LRRTM4: variants seen among roughly 807,000 people sequenced by gnomAD.
LRRTM4 encodes the protein leucine-rich repeat transmembrane neuronal protein 4.
LRRTM4 carries 25 observed loss-of-function variants against 47.6 expected under a neutral mutation model. That is an observed-to-expected ratio of 0.53 (90% CI 0.38 to 0.73). The LOEUF (loss-of-function observed/expected upper bound fraction) is 0.73, where lower values mean the gene tolerates loss of function less well. Ranked by LOEUF, LRRTM4 falls within the 30% of genes least tolerant of loss-of-function variation. The pLI, the probability that LRRTM4 is intolerant of heterozygous loss-of-function variation, is 0.00. For synonymous variants in LRRTM4, 311 were observed against 269.5 expected, an observed-to-expected ratio of 1.15 and a Z score of -1.51; for missense variants, 638 against 713.4, an observed-to-expected ratio of 0.89 and a Z score of 1.20.
chr2:76,764,261 GA>G (rs923321698), intron 3 of LRRTM4, among the ~76,000 whole-genome samples: 3 of 151,860 alleles, frequency 2.0e-5, no homozygotes, highest in Admixed American at 6.6e-5. Flanking sequence ...TTGCAAAAAA[GA>G]AAAAAAGAGA....
In LRRTM4 at chr2:77,091,071, G is replaced by T. The variant is rs546368717; in HGVS notation, c.1552-342155C>A. ...AAACTCCCCAACTCTGGTGCCAGCT[G>T]AGACAATACTCTTATAAGCACTCCT... On this transcript the variant is annotated intron_variant, in intron 3 of 3. Coordinates refer to ENST00000409884, the MANE Select transcript of LRRTM4 (RefSeq NM_001134745.3). 5.2e-3 allele frequency among the ~76,000 whole-genome samples: 790 copies of T among 151,592 alleles called. 1 individual carries two copies. The highest frequency in any genetic ancestry group is 8.7e-3 in the Non-Finnish European group (585 of 67,582).
At chr2:77,089,324 T>C (rs1283952315) in intron 3 of LRRTM4, among the ~76,000 whole-genome samples, 2 of 151,866 alleles carry the variant, frequency 1.3e-5, no homozygotes, top group East Asian at 1.9e-4. Flanking sequence ...AGTCCCACTT[T>C]TCTAGAGGAG....
At chr2:76,994,112 G>A (rs540431044) in intron 3 of LRRTM4, among the ~76,000 whole-genome samples, 2 of 151,822 alleles carry the variant, frequency 1.3e-5, no homozygotes, top group Admixed American at 1.3e-4. Flanking sequence ...CAGACAATTA[G>A]AGGTGGAATG....
At chr2:77,125,366 G>A (rs959098507) in intron 3 of LRRTM4, among the ~76,000 whole-genome samples, 1 of 152,170 alleles carries the variant, frequency 6.6e-6, no homozygotes, top group African/African-American at 2.4e-5. Flanking sequence ...AGATAGAGGT[G>A]CACATGAGTA....
chr2:77,142,719 G>T (rs957923169), intron 3 of LRRTM4, among the ~76,000 whole-genome samples: 1 of 152,102 alleles, frequency 6.6e-6, no homozygotes, highest in Admixed American at 6.6e-5. Context: ...TGCTGAAGAT[G>T]ATACTCTGTA....
At chr2:76,853,541 G>T (rs574267690) in intron 3 of LRRTM4, among the ~76,000 whole-genome samples, 22 of 151,944 alleles carry the variant, frequency 1.4e-4, no homozygotes, top group South Asian at 1.0e-3. Context: ...AGTTGTGGAA[G>T]AATTGTCAAG....
chr2:76,803,009 C>T (rs559976528), intron 3 of LRRTM4, among the ~76,000 whole-genome samples: 1 of 152,126 alleles, frequency 6.6e-6, no homozygotes, highest in East Asian at 1.9e-4. Flanking sequence ...TAGTAGAAAA[C>T]AGGGGATAAG....
At chr2:77,426,846 C>CAGAG (rs756686178) in intron 3 of LRRTM4, among the ~76,000 whole-genome samples, 1 of 125,492 alleles carries the variant, frequency 8.0e-6, no homozygotes, top group East Asian at 2.1e-4. Context: ...CACACACACA[C>CAGAG]AGAGAGAGAG....
At chr2:77,104,269 C>T (rs1572965941) in intron 3 of LRRTM4, among the ~76,000 whole-genome samples, 1 of 152,236 alleles carries the variant, frequency 6.6e-6, no homozygotes, top group South Asian at 2.1e-4. Context: ...GTTATTTTCT[C>T]TTACCTGAAC....
At chr2:77,520,700 A>G (rs929468710) in intron 2 of LRRTM4, among the ~76,000 whole-genome samples, 3 of 152,086 alleles carry the variant, frequency 2.0e-5, no homozygotes, top group African/African-American at 7.2e-5. Flanking sequence ...AAGGATAAAC[A>G]AGGAAAGAAG....
intron 3 of LRRTM4, among the ~76,000 whole-genome samples, chr2:76,929,639 G>A (rs777076591): frequency 2.6e-5 from 4 of 152,098 alleles, no homozygotes; most frequent in Admixed American, 6.6e-5. Context: ...GTTTCTTTAA[G>A]TTAAACAAGT....
At chr2:76,850,793 A>G (rs1671970106) in intron 3 of LRRTM4, among the ~76,000 whole-genome samples, 1 of 152,206 alleles carries the variant, frequency 6.6e-6, no homozygotes, top group Admixed American at 6.6e-5. Flanking sequence ...TATCCTGCTA[A>G]TGTTTGACTG....
intron 3 of LRRTM4, among the ~76,000 whole-genome samples, chr2:77,214,487 G>A (rs1674382686): frequency 6.6e-6 from 1 of 152,018 alleles, no homozygotes; most frequent in Non-Finnish European, 1.5e-5. Flanking sequence ...TAATTATTCT[G>A]TACAATGGCA....
intron 3 of LRRTM4, among the ~76,000 whole-genome samples, chr2:77,163,433 C>G (rs1270244375): frequency 1.3e-5 from 2 of 152,148 alleles, no homozygotes; most frequent in African/African-American, 4.8e-5. Flanking sequence ...ACTTCCCAAC[C>G]TAACAAGGCA....
At position 76,933,934 on chromosome 2, in the gene LRRTM4, G is replaced by A. The variant is rs13400606; in HGVS notation, c.1552-185018C>T. On this transcript the variant is annotated intron_variant, in intron 3 of 3. Coordinates refer to ENST00000409884, the MANE Select transcript of LRRTM4 (RefSeq NM_001134745.3). ...CCATTTTACTTCAATATTAAGAGTAGAGATTTCAAATATATTGGTAATAGT... is the reference window on the plus strand; with the variant it reads ...CCATTTTACTTCAATATTAAGAGTAAAGATTTCAAATATATTGGTAATAGT... 4.2e-3 allele frequency among the ~76,000 whole-genome samples: 639 copies of A among 152,136 alleles called. 1 individual carries two copies. Among genetic ancestry groups the A allele is most frequent in the African/African-American group, 0.015 (618 of 41,508 alleles).
At chr2:76,884,367 C>T (rs913184714) in intron 3 of LRRTM4, among the ~76,000 whole-genome samples, 1 of 152,120 alleles carries the variant, frequency 6.6e-6, no homozygotes, top group Non-Finnish European at 1.5e-5. Context: ...AAAATAACTA[C>T]TATACAGTCT....
intron 3 of LRRTM4, among the ~76,000 whole-genome samples, chr2:77,378,945 G>A (rs1279681303): frequency 6.6e-6 from 1 of 152,024 alleles, no homozygotes; most frequent in Non-Finnish European, 1.5e-5. Flanking sequence ...TTGTCATTAT[G>A]CATAAATGAT....
intron 3 of LRRTM4, among the ~76,000 whole-genome samples, chr2:76,850,564 A>G (rs897158551): frequency 3.9e-5 from 6 of 152,204 alleles, no homozygotes; most frequent in Admixed American, 2.0e-4. Context: ...AGCAAGGGAT[A>G]TAAGAGCGAT....
chr2:77,318,978 TA>T (rs1210234713), intron 3 of LRRTM4, among the ~76,000 whole-genome samples: 1 of 152,122 alleles, frequency 6.6e-6, no homozygotes, highest in Non-Finnish European at 1.5e-5. Context: ...TAGTCAAGGA[TA>T]ACTGGACACA....
Sources: gnomAD v4.1 joint callset for allele counts (sites outside exome capture counted in the v4.1 genomes callset) on GRCh38, gnomAD v4.1.1 for gene constraint, MANE v1.5 for transcripts, NCBI Gene and HGNC (gene_info 2026-07-23, HGNC 2026-07-21) for gene names.